The following AIFM1 variants were observed in gnomAD, a reference collection of about 807,000 sequenced individuals.
The protein encoded by AIFM1 is apoptosis-inducing factor 1, mitochondrial.
AIFM1 carries 3 observed loss-of-function variants against 51.7 expected under a neutral mutation model. The ratio of observed to expected loss-of-function variants is 0.06; its 90% CI spans 0.03 to 0.15. The LOEUF is 0.15. AIFM1 is among the 10% of genes least tolerant of loss of function. The pLI, the probability that AIFM1 is intolerant of heterozygous loss-of-function variation, is 1.00. For missense variants in AIFM1, 330 were observed against 476.8 expected, an observed-to-expected ratio of 0.69 and a Z score of 2.87; for synonymous variants, 178 against 179.4, an observed-to-expected ratio of 0.99 and a Z score of 0.06.
At chrX:130,137,828 C>A in intron 9 of AIFM1, 2 of 798,352 alleles carry the variant, frequency 2.5e-6, no homozygotes, top group Non-Finnish European at 3.1e-6. Flanking sequence ...TTTGGGTGGC[C>A]GAGGTGGGTG....
At chrX:130,139,637 G>C (rs1176854077) in intron 8 of AIFM1, among the ~76,000 whole-genome samples, 158 bp downstream of exon 8, 1 of 111,166 alleles carries the variant, frequency 9.0e-6, no homozygotes, top group Non-Finnish European at 1.9e-5. Flanking sequence ...CTGAGGTGCA[G>C]AGAGAGGAAG....
chrX:130,133,357 A>G lies in AIFM1; in HGVS notation c.1404T>C (p.Asn468=). 1 of 1,210,828 alleles carries G rather than the reference A, an allele frequency of 8.3e-7. No homozygotes were observed. Among genetic ancestry groups the G allele is most frequent in the Non-Finnish European group, 1.1e-6 (1 of 895,325 alleles). ...AGTACGGCTTAGCAGCTCCAGTCATATTTTCTCCAGCCAATCTTCCACTCA... is the reference window on the plus strand; with the variant it reads ...AGTACGGCTTAGCAGCTCCAGTCATGTTTTCTCCAGCCAATCTTCCACTCA... ...AVVSGRLAGE[N]MTGAAKPYWH... Residue 468 remains asparagine, a synonymous_variant, in exon 13 of 16, where the codon AAT becomes AAC. Coordinates refer to ENST00000287295, the MANE Select transcript of AIFM1 (RefSeq NM_004208.4).
intron 6 of AIFM1, among the ~76,000 whole-genome samples, chrX:130,142,274 T>C (rs1224678491): frequency 2.7e-5 from 3 of 111,788 alleles, no homozygotes; most frequent in Non-Finnish European, 5.6e-5. Flanking sequence ...CTAGAGGCAA[T>C]GACATGAACT....
chrX:130,137,607 T>G, intron 9 of AIFM1: 3 of 1,136,731 alleles, frequency 2.6e-6, no homozygotes, highest in Non-Finnish European at 3.5e-6. Context: ...GGAACCATCA[T>G]GTGCCCAAAG....
intron 1 of AIFM1, among the ~76,000 whole-genome samples, chrX:130,156,968 GC>G (rs2031186540): frequency 9.0e-6 from 1 of 111,547 alleles, no homozygotes; most frequent in African/African-American, 3.3e-5. Context: ...TTAACCATGG[GC>G]TACCTGGGAC....
chrX:130,142,812 AT>A (rs1207217614), intron 6 of AIFM1, among the ~76,000 whole-genome samples: 5 of 110,443 alleles, frequency 4.5e-5, no homozygotes, highest in Non-Finnish European at 9.5e-5. Context: ...CACCTGGCTA[AT>A]TTTTGTATTT....
At chrX:130,163,478 TGA>T (rs1363355570) in intron 1 of AIFM1, among the ~76,000 whole-genome samples, 1 of 111,625 alleles carries the variant, frequency 9.0e-6, no homozygotes, top group African/African-American at 3.3e-5. Flanking sequence ...ATTCCTAAAA[TGA>T]GAGTATCAGA....
At chrX:130,143,791 G>A (rs925930570) in intron 6 of AIFM1, among the ~76,000 whole-genome samples, 8 of 110,106 alleles carry the variant, frequency 7.3e-5, no homozygotes, top group African/African-American at 9.9e-5. Context: ...AGGTTGCAGC[G>A]AGCTGAGATC....
intron 5 of AIFM1, 50 bp from the exon 6 acceptor site, chrX:130,145,619 A>G (rs2030723206): frequency 1.0e-6 from 1 of 976,694 alleles, no homozygotes; most frequent in Non-Finnish European, 1.5e-6. Context: ...AACTGTTATC[A>G]GCTTCCCCCG....
intron 1 of AIFM1, among the ~76,000 whole-genome samples, chrX:130,157,216 T>A: frequency 8.9e-6 from 1 of 112,308 alleles, no homozygotes; most frequent in Non-Finnish European, 1.9e-5. Context: ...ATGTGAAGTG[T>A]CCAGCAACTC....
intron 1 of AIFM1, among the ~76,000 whole-genome samples, chrX:130,157,226 CCTT>C (rs946298938): frequency 8.9e-6 from 1 of 112,065 alleles, no homozygotes; most frequent in African/African-American, 3.2e-5. Flanking sequence ...TCCAGCAACT[CCTT>C]GACTCTTACT....
chrX:130,133,488 A>AT (rs765350411), intron 12 of AIFM1, 33 bp from the exon 13 acceptor site: 1,456 of 1,192,378 alleles, frequency 1.2e-3, no homozygotes, highest in Non-Finnish European at 1.5e-3. Flanking sequence ...TGAACACATG[A>AT]TAAAAAAAAA....
At chrX:130,165,259 G>C (rs1206811471) in intron 1 of AIFM1, among the ~76,000 whole-genome samples, 1 of 79,074 alleles carries the variant, frequency 1.3e-5, no homozygotes, top group Admixed American at 1.8e-4. Flanking sequence ...TGGGGGGTGG[G>C]GATGCCGGGG....
intron 1 of AIFM1, among the ~76,000 whole-genome samples, chrX:130,161,221 A>T (rs1475141877): frequency 9.0e-6 from 1 of 111,123 alleles, no homozygotes; most frequent in Non-Finnish European, 1.9e-5. Flanking sequence ...GCATGGAGAA[A>T]ACACAGGACA....
chrX:130,131,608 C>T (rs2030081665), intron 14 of AIFM1, 67 bp downstream of exon 14: 3 of 1,193,042 alleles, frequency 2.5e-6, no homozygotes, highest in Non-Finnish European at 3.4e-6. Context: ...ACAGAAACCC[C>T]TTGTTCAGGA....
intron 13 of AIFM1, among the ~76,000 whole-genome samples, chrX:130,132,742 CTTTTT>C (rs898776932): frequency 5.7e-5 from 4 of 69,885 alleles, no homozygotes; most frequent in Non-Finnish European, 1.0e-4. Flanking sequence ...TCTGACACTC[CTTTTT>C]TTTTTTTTTT....
At position 130,156,518 on chromosome X, in the gene AIFM1, G is replaced by T; in HGVS notation, c.192C>A (p.Ile64=). The T allele has an allele frequency of 8.3e-7, 1 of 1,211,380 alleles. No individual in the cohort carries two copies. The highest frequency in any genetic ancestry group is 1.1e-6 in the Non-Finnish European group (1 of 895,341). The change falls in exon 2 of 16, where the codon ATC becomes ATA. Residue 64 remains isoleucine, a synonymous_variant. Transcript: ENST00000287295. The part of the protein sequence containing the change: ...MASSGASGGK[I]DNSVLVLIVG... ...CAATAAGGACTAACACAGAATTATCGATTTTGCCCCCTGATGCACCAGAGC... is the reference window on the plus strand; with the variant it reads ...CAATAAGGACTAACACAGAATTATCTATTTTGCCCCCTGATGCACCAGAGC...
intron 3 of AIFM1, among the ~76,000 whole-genome samples, chrX:130,148,307 A>C (rs1731903795): frequency 9.0e-6 from 1 of 111,345 alleles, no homozygotes; most frequent in African/African-American, 3.3e-5. Context: ...ATTATCATAC[A>C]ATGTTCAAGA....
intron 5 of AIFM1, among the ~76,000 whole-genome samples, chrX:130,146,238 G>C (rs758991291): frequency 1.1e-4 from 12 of 111,356 alleles, no homozygotes; most frequent in Non-Finnish European, 3.8e-5. Context: ...AGGAGTTTGA[G>C]ACCAGATTGG....
Sources: allele counts gnomAD v4.1 joint callset (sites outside exome capture counted in the v4.1 genomes callset), GRCh38; gene constraint gnomAD v4.1.1; transcripts MANE v1.5; gene names NCBI Gene and HGNC (gene_info 2026-07-23, HGNC 2026-07-21).